Variants in SLC9C1 observed in about 807,000 individuals in gnomAD.
SLC9C1 encodes sodium/hydrogen exchanger 10.
Under a neutral mutation model 140.9 loss-of-function variants are expected in SLC9C1, and 97 were observed. The ratio of observed to expected loss-of-function variants is 0.69; its 90% CI spans 0.58 to 0.82. SLC9C1 has a LOEUF of 0.82. Ranked by LOEUF, SLC9C1 falls within the 40% of genes least tolerant of loss-of-function variation. SLC9C1 has a pLI of 0.00. For synonymous variants in SLC9C1, 440 were observed against 442.6 expected, an observed-to-expected ratio of 0.99 and a Z score of 0.07; for missense variants, 1,340 against 1,389.3, an observed-to-expected ratio of 0.96 and a Z score of 0.56.
chr3:112,214,921 G>C (rs972606297), intron 15 of SLC9C1, among the ~76,000 whole-genome samples: 4 of 152,112 alleles, frequency 2.6e-5, no homozygotes, highest in Non-Finnish European at 5.9e-5. Flanking sequence ...GAGAATTTTA[G>C]ACCAATATTC....
At chr3:112,266,408 G>T in intron 7 of SLC9C1, 68 bp from the exon 8 acceptor site, 1 of 1,216,562 alleles carries the variant, frequency 8.2e-7, no homozygotes, top group Non-Finnish European at 1.2e-6. Context: ...TTTTACCCGA[G>T]TTAAAAGTAT....
intron 19 of SLC9C1, 55 bp from the exon 20 acceptor site, chr3:112,199,524 T>C: frequency 1.4e-6 from 2 of 1,387,900 alleles, no homozygotes; most frequent in Non-Finnish European, 9.6e-7. Flanking sequence ...TTAAATGTTT[T>C]ATGTGGACAA....
At chr3:112,229,886 A>G (rs2078776434) in intron 13 of SLC9C1, among the ~76,000 whole-genome samples, 1 of 152,164 alleles carries the variant, frequency 6.6e-6, no homozygotes, top group Non-Finnish European at 1.5e-5. Context: ...TTTCTAGCTC[A>G]TTGAAAAATT....
At chr3:112,188,519 AATG>A (rs2077583795) in intron 20 of SLC9C1, among the ~76,000 whole-genome samples, 1 of 152,052 alleles carries the variant, frequency 6.6e-6, no homozygotes, top group African/African-American at 2.4e-5. Flanking sequence ...GTTTGCTGAG[AATG>A]ATGGTTTCCA....
chr3:112,221,204 T>C lies in SLC9C1; in HGVS notation c.1594A>G (p.Arg532Gly). Reference sequence around the variant, plus strand: ...GCACTCTGGGACAGAATCTCATTCCTGTATTGTCTCTGGTAGCTTGCCTAA... The same window carrying C: ...GCACTCTGGGACAGAATCTCATTCCCGTATTGTCTCTGGTAGCTTGCCTAA... ...AQIASYQRQY[R>G]NEILSQSAVQ... is the part of the protein sequence containing the mutation. Residue 532 changes from arginine to glycine, a missense_variant, in exon 14 of 29, where the codon AGG becomes GGG. Coordinates refer to ENST00000305815, the MANE Select transcript of SLC9C1 (RefSeq NM_183061.3). 1 of 1,613,582 alleles carries C rather than the reference T, an allele frequency of 6.2e-7. No homozygotes were observed.
At chr3:112,238,352 A>G (rs780498660) in intron 12 of SLC9C1, among the ~76,000 whole-genome samples, 1 of 152,152 alleles carries the variant, frequency 6.6e-6, no homozygotes. Flanking sequence ...CTAGTTAGCC[A>G]TTCGTCTAAT....
intron 25 of SLC9C1, among the ~76,000 whole-genome samples, chr3:112,168,192 A>G (rs1028991550): frequency 6.6e-5 from 10 of 152,176 alleles, no homozygotes; most frequent in South Asian, 2.1e-4. Flanking sequence ...ATTTCAATAT[A>G]TAGCACTGTA....
At chr3:112,176,987 G>GTCTC (rs375135539) in intron 23 of SLC9C1, among the ~76,000 whole-genome samples, 3 of 138,772 alleles carry the variant, frequency 2.2e-5, no homozygotes, top group South Asian at 2.4e-4. Flanking sequence ...GACTCCTGGT[G>GTCTC]TCTCTCTCTC....
chr3:112,287,036 A>T (rs961850171), intron 1 of SLC9C1, among the ~76,000 whole-genome samples, 158 bp from the exon 2 acceptor site: 1 of 152,208 alleles, frequency 6.6e-6, no homozygotes, highest in South Asian at 2.1e-4. Context: ...TTAATGTAAT[A>T]AAAAAGTCAG....
At chr3:112,211,681 G>A (rs1032852339) in intron 15 of SLC9C1, among the ~76,000 whole-genome samples, 2 of 152,238 alleles carry the variant, frequency 1.3e-5, no homozygotes, top group Non-Finnish European at 2.9e-5. Flanking sequence ...CATTGCTGAG[G>A]CTTGAGTAGG....
At chr3:112,247,103 C>G (rs998629107) in intron 10 of SLC9C1, among the ~76,000 whole-genome samples, 12 of 152,204 alleles carry the variant, frequency 7.9e-5, no homozygotes, top group African/African-American at 2.9e-4. Flanking sequence ...AGTTCATTCT[C>G]AGAGAGGAAA....
Position 112,274,878 on chromosome 3 carries a change from T to G in SLC9C1, c.613+19A>C, listed in dbSNP as rs758270146. The G allele has an allele frequency of 2.0e-6, 3 of 1,519,072 alleles. No homozygotes were observed. In the South Asian group the frequency reaches 4.0e-5, roughly 20 times the overall value. The allele number at this position is 1,519,072 out of a possible 1,614,324, so 94.1% of individuals were successfully genotyped here. A position where few individuals can be genotyped will look rare whatever the true frequency, so the allele number is the denominator to read the frequency against. ...ACAGGATTCTGATGTTGAGAAAAAT[T>G]TTTTAAAAATATACTTACCTAAGGT... is the stretch of plus-strand genomic sequence containing the variant. On this transcript the variant is annotated intron_variant, in intron 6 of 28. Coordinates refer to ENST00000305815, the MANE Select transcript of SLC9C1 (RefSeq NM_183061.3).
Position 112,239,927 on chromosome 3 carries a change from T to C in SLC9C1, c.1359A>G (p.Ala453=), listed in dbSNP as rs201695163. The C allele has an allele frequency of 4.8e-5, 78 of 1,613,894 alleles. 1 individual carries two copies. The South Asian group carries it at 8.5e-4, about 17-fold the overall frequency. The stretch of plus-strand genomic sequence containing the variant: ...CTTTGTCAAATTTAAGGGCAGAGGC[T>C]GCAGACTTGGTTAGCTCTTGAAAGT... ...FQHFQELTKS[A]ASALKFDKDL... The change falls in exon 12 of 29, where the codon GCA becomes GCG. Residue 453 remains alanine (A), a synonymous_variant. Transcript: ENST00000305815.
intron 20 of SLC9C1, among the ~76,000 whole-genome samples, chr3:112,197,670 G>A (rs1382473003): frequency 2.0e-5 from 3 of 152,112 alleles, no homozygotes; most frequent in Admixed American, 6.6e-5. Context: ...CAGTGCAATT[G>A]TTGTCTAAAA....
In SLC9C1 at chr3:112,247,410, C is replaced by T. The variant is rs556330650; in HGVS notation, c.1198-3334G>A. ...AAACTATTTTATTTGATCTTTCAAC[C>T]ATAGTTAATAACGTGCTCCAAATGA... On this transcript the variant is annotated intron_variant, in intron 10 of 28. Transcript: ENST00000305815. Among the ~76,000 whole-genome samples the T allele has an allele frequency of 7.9e-5, 12 of 152,218 alleles. No homozygotes were observed. The South Asian group carries it at 2.5e-3, about 32-fold the overall frequency.
rs769750802 is a variant in SLC9C1, at chr3:112,155,035, A to G, written c.3379T>C (p.Leu1127=). The change falls in exon 27 of 29, where the codon TTG becomes CTG. Residue 1127 remains leucine, a synonymous_variant. Transcript: ENST00000305815. The part of the protein sequence containing the change: ...TPGLIGSVGT[L]EEGIQEERNV... ...CTTTCTTCTTGAATGCCTTCTTCCA[A>G]TGTTCCAACTGAACCTGATTAAAAA... 9.4e-6 allele frequency: 15 copies of G among 1,600,694 alleles called. No individual in the cohort carries two copies. Among genetic ancestry groups the G allele is most frequent in the East Asian group, 4.5e-5 (2 of 44,326 alleles).
chr3:112,234,426 CT>C (rs908802821), intron 12 of SLC9C1, among the ~76,000 whole-genome samples: 64 of 151,762 alleles, frequency 4.2e-4, no homozygotes, highest in African/African-American at 1.5e-3. Context: ...ATTCTGTAGG[CT>C]GCCTGTTCAC....
At chr3:112,231,523 G>T (rs1449375486) in intron 12 of SLC9C1, 37 bp from the exon 13 acceptor site, 2 of 1,550,616 alleles carry the variant, frequency 1.3e-6, no homozygotes, top group Admixed American at 3.8e-5. Flanking sequence ...AAAAATACAT[G>T]AATATTAACA....
chr3:112,181,020 T>A (rs1208120203), intron 21 of SLC9C1, among the ~76,000 whole-genome samples: 4 of 152,204 alleles, frequency 2.6e-5, no homozygotes, highest in Non-Finnish European at 4.4e-5. Context: ...CCTTCCAAAG[T>A]GCTTGGATTA....
Sources: allele counts gnomAD v4.1 joint callset (sites outside exome capture counted in the v4.1 genomes callset), GRCh38; gene constraint gnomAD v4.1.1; transcripts MANE v1.5; gene names NCBI Gene and HGNC (gene_info 2026-07-23, HGNC 2026-07-21).